GPC5: variants seen among roughly 807,000 people sequenced by gnomAD.
GPC5 encodes the protein glypican 5, also known as glypican-5.
In GPC5, 47 loss-of-function variants were observed where a neutral mutation model predicts 53.9. The ratio of observed to expected loss-of-function variants is 0.87; its 90% CI spans 0.69 to 1.11. The LOEUF (loss-of-function observed/expected upper bound fraction) is 1.11. GPC5 is among the 50% of genes most tolerant of loss of function. GPC5 has a pLI of 0.00. For missense variants in GPC5, 748 were observed against 713.1 expected (o/e 1.05, Z -0.56); for synonymous variants, 286 against 263.3 (o/e 1.09, Z -0.84).
At chr13:91,459,261 C>T (rs1056445525) in intron 2 of GPC5, among the ~76,000 whole-genome samples, 1 of 151,832 alleles carries the variant, frequency 6.6e-6, no homozygotes, top group African/African-American at 2.4e-5. Context: ...CACCACTATA[C>T]TCCAGCTTGG....
At chr13:91,829,437 G>A (rs1183611591) in intron 5 of GPC5, among the ~76,000 whole-genome samples, 3 of 151,972 alleles carry the variant, frequency 2.0e-5, no homozygotes, top group Non-Finnish European at 2.9e-5. Context: ...TAATGAGAAT[G>A]ATTTATGTTA....
intron 2 of GPC5, among the ~76,000 whole-genome samples, chr13:91,456,882 G>A (rs1007886588): frequency 4.7e-5 from 7 of 148,904 alleles, no homozygotes; most frequent in Admixed American, 1.3e-4. Context: ...TTGCAAACAC[G>A]TGTCATGGAA....
At chr13:91,842,674 C>CA (rs1339883403) in intron 5 of GPC5, among the ~76,000 whole-genome samples, 2 of 123,602 alleles carry the variant, frequency 1.6e-5, no homozygotes, top group Non-Finnish European at 3.2e-5. Context: ...TGCACCACTC[C>CA]AACCTGGGAG....
chr13:92,730,254 A>C lies in GPC5; in HGVS notation c.1562-136028A>C, dbSNP rs1220341330. Among the ~76,000 whole-genome samples the C allele has an allele frequency of 3.3e-5, 5 of 151,416 alleles. No homozygotes were observed. In the Admixed American group the frequency reaches 3.3e-4, roughly 10 times the overall value. ...GAGAAAAATAAGTGAAAAGTACAGA[A>C]TGTTTCTTTATCCAAAGTTTACCCC... On this transcript the variant is annotated intron_variant, in intron 7 of 7. Coordinates refer to ENST00000377067, the MANE Select transcript of GPC5 (RefSeq NM_004466.6).
chr13:92,093,143 A>G (rs925420150), intron 6 of GPC5, among the ~76,000 whole-genome samples: 32 of 152,164 alleles, frequency 2.1e-4, no homozygotes, highest in South Asian at 1.2e-3. Flanking sequence ...GACCATTTCA[A>G]AGTTTTTCTT....
chr13:92,636,945 A>G (rs1178307737), intron 7 of GPC5, among the ~76,000 whole-genome samples: 1 of 152,052 alleles, frequency 6.6e-6, no homozygotes, highest in African/African-American at 2.4e-5. Context: ...TCAACCAGTC[A>G]CCTGGGCCAA....
chr13:91,685,072 G>A (rs1321678702), intron 2 of GPC5, among the ~76,000 whole-genome samples: 1 of 152,014 alleles, frequency 6.6e-6, no homozygotes, highest in Non-Finnish European at 1.5e-5. Flanking sequence ...CCTTCTCACT[G>A]TATCTAAAAT....
At chr13:91,549,498 G>T (rs2030498333) in intron 2 of GPC5, among the ~76,000 whole-genome samples, 1 of 152,046 alleles carries the variant, frequency 6.6e-6, no homozygotes, top group South Asian at 2.1e-4. Context: ...TTGAATATTT[G>T]CAAAAGACAC....
intron 2 of GPC5, among the ~76,000 whole-genome samples, chr13:91,609,951 C>T (rs1165864223): frequency 6.6e-6 from 1 of 152,160 alleles, no homozygotes; most frequent in Non-Finnish European, 1.5e-5. Context: ...ACAGGTCCTC[C>T]TGCACACCTA....
In GPC5 at chr13:91,769,863, A is replaced by G. The variant is rs575061499; in HGVS notation, c.1280+13443A>G. 2.3e-4 allele frequency among the ~76,000 whole-genome samples: 35 copies of G among 152,306 alleles called. 1 individual carries two copies. The South Asian group carries it at 7.3e-3, about 32-fold the overall frequency. On this transcript the variant is annotated intron_variant, in intron 5 of 7. Transcript: ENST00000377067. Reference sequence around the variant, plus strand: ...TTTCTCCCACACCAAGCAACTGTCCAGTTCTCTTTGAACACCAACTGTATG... The same window carrying G: ...TTTCTCCCACACCAAGCAACTGTCCGGTTCTCTTTGAACACCAACTGTATG...
intron 5 of GPC5, among the ~76,000 whole-genome samples, chr13:91,867,992 G>T (rs527258101): frequency 6.6e-6 from 1 of 152,246 alleles, no homozygotes; most frequent in African/African-American, 2.4e-5. Context: ...TAAATGAGCT[G>T]ATTAAAGCCC....
At chr13:91,748,810 G>A (rs189127228) in intron 4 of GPC5, among the ~76,000 whole-genome samples, 1 of 152,252 alleles carries the variant, frequency 6.6e-6, no homozygotes, top group Admixed American at 6.5e-5. Context: ...GTAGAAAGTT[G>A]AGAGTAAAGT....
chr13:91,912,687 A>G (rs1461586519), intron 6 of GPC5, among the ~76,000 whole-genome samples: 1 of 152,148 alleles, frequency 6.6e-6, no homozygotes, highest in Non-Finnish European at 1.5e-5. Context: ...TGGAAAGATT[A>G]CAGTTTTACT....
At chr13:92,827,222 G>C (rs966665499) in intron 7 of GPC5, among the ~76,000 whole-genome samples, 1 of 152,084 alleles carries the variant, frequency 6.6e-6, no homozygotes, top group Non-Finnish European at 1.5e-5. Context: ...ATAACGTTCT[G>C]CTTCTGACCT....
chr13:91,986,535 C>T (rs1453584813), intron 6 of GPC5, among the ~76,000 whole-genome samples: 1 of 152,108 alleles, frequency 6.6e-6, no homozygotes. Context: ...CCATATGTTT[C>T]TTTAAGTCCC....
At chr13:92,352,629 A>G (rs1178790924) in intron 7 of GPC5, among the ~76,000 whole-genome samples, 2 of 152,190 alleles carry the variant, frequency 1.3e-5, no homozygotes, top group African/African-American at 2.4e-5. Flanking sequence ...GATCATGAAG[A>G]TTCCAATCAA....
intron 1 of GPC5, among the ~76,000 whole-genome samples, chr13:91,404,598 T>C (rs942426908): frequency 1.3e-5 from 2 of 152,184 alleles, no homozygotes; most frequent in African/African-American, 2.4e-5. Flanking sequence ...GCCCAAATTA[T>C]CCTAAAATGA....
intron 7 of GPC5, among the ~76,000 whole-genome samples, chr13:92,617,684 T>C (rs1884739098): frequency 6.6e-6 from 1 of 152,190 alleles, no homozygotes; most frequent in African/African-American, 2.4e-5. Flanking sequence ...TTAATGATAA[T>C]GCAAAAATTT....
chr13:92,407,659 T>C (rs539324474), intron 7 of GPC5, among the ~76,000 whole-genome samples: 36 of 152,172 alleles, frequency 2.4e-4, no homozygotes, highest in Non-Finnish European at 4.4e-4. Flanking sequence ...TATGTAGCTA[T>C]ACAAATTGGT....
Sources: allele counts gnomAD v4.1 joint callset (sites outside exome capture counted in the v4.1 genomes callset), GRCh38; gene constraint gnomAD v4.1.1; transcripts MANE v1.5; gene names NCBI Gene and HGNC (gene_info 2026-07-23, HGNC 2026-07-21).